The following APC variants were observed in gnomAD, a reference collection of about 807,000 sequenced individuals.
The protein encoded by APC is APC regulator of Wnt signaling pathway.
A neutral mutation model predicts 247.0 loss-of-function variants in APC; 72 were observed. The observed-to-expected ratio is 0.29, with a 90% confidence interval of 0.24 to 0.35. The LOEUF (loss-of-function observed/expected upper bound fraction) is 0.35, where lower values mean the gene tolerates loss of function less well. Among genes scored for constraint, APC ranks in the 10% least tolerant of loss-of-function variants. The probability of loss-of-function intolerance (pLI) is 1.00; values close to 1 mark genes in which losing one functional copy is unlikely to be tolerated. For synonymous variants in APC, 1,254 were observed against 1,162.5 expected (o/e 1.08, Z -1.60); for missense variants, 3,400 against 3,360.7 (o/e 1.01, Z -0.29).
intron 2 of APC, among the ~76,000 whole-genome samples, chr5:112,757,229 T>C (rs1255019294): frequency 1.3e-5 from 2 of 152,214 alleles, no homozygotes; most frequent in African/African-American, 2.4e-5. Flanking sequence ...TTTAAGGTTT[T>C]ATGCTGTGAA....
At position 112,843,156 on chromosome 5, in the gene APC, G is replaced by T; in HGVS notation, c.7562G>T (p.Arg2521Ile). The change falls in exon 16 of 16, where the codon AGA (arginine) becomes ATA (isoleucine). Residue 2521 changes from arginine to isoleucine, a missense_variant. Physicochemically the swap from Arg to Ile is moderately conservative, Grantham distance 97. Coordinates refer to ENST00000257430, the MANE Select transcript of APC (RefSeq NM_000038.6). This position sits in a 1 kb window ranked among gnomAD's most constrained non-coding sequence, Gnocchi z 4.8. ...LSPTIEYNDG[R>I]PAKRHDIARS... ...CCCACTATAGAGTATAATGATGGAA[G>T]ACCAGCAAAGCGCCATGATATTGCA... The T allele has an allele frequency of 6.2e-7, 1 of 1,613,772 alleles. No individual in the cohort carries two copies. Among genetic ancestry groups the T allele is most frequent in the Non-Finnish European group, 8.5e-7 (1 of 1,179,684 alleles).
At chr5:112,722,553 A>G (rs1183953107) in intron 1 of APC, among the ~76,000 whole-genome samples, 1 of 151,138 alleles carries the variant, frequency 6.6e-6, no homozygotes, top group Non-Finnish European at 1.5e-5. Flanking sequence ...CCCCAAGACC[A>G]CCCCCTCCTT....
At chr5:112,834,017 T>C (rs1395145958) in intron 14 of APC, among the ~76,000 whole-genome samples, 1 of 151,984 alleles carries the variant, frequency 6.6e-6, no homozygotes, top group Non-Finnish European at 1.5e-5. Context: ...AGTGGCGCGA[T>C]CATGGCTTAC....
chr5:112,761,127 G>A (rs1190258605), intron 2 of APC, among the ~76,000 whole-genome samples: 1 of 152,122 alleles, frequency 6.6e-6, no homozygotes, highest in South Asian at 2.1e-4. Flanking sequence ...TCCATTTTTA[G>A]TTGCTAATTG....
rs1006417765 is a variant in APC, at chr5:112,763,650, T to C, written c.136-2676T>C. Among the ~76,000 whole-genome samples the C allele has an allele frequency of 3.3e-5, 5 of 152,232 alleles. No individual in the cohort carries two copies. The East Asian group carries it at 9.6e-4, about 29-fold the overall frequency. On this transcript the variant is annotated intron_variant, in intron 2 of 15. Coordinates refer to ENST00000257430, the MANE Select transcript of APC (RefSeq NM_000038.6). ...TTAAACTTTTAAATCTTTGTAACTTTTCTAAAAACAAGTAGGATTTTTTCT... is the reference window on the plus strand; with the variant it reads ...TTAAACTTTTAAATCTTTGTAACTTCTCTAAAAACAAGTAGGATTTTTTCT...
intron 7 of APC, among the ~76,000 whole-genome samples, chr5:112,793,280 G>A (rs1039691744): frequency 2.0e-5 from 3 of 152,130 alleles, no homozygotes; most frequent in Non-Finnish European, 4.4e-5. Flanking sequence ...TTAATTGAAC[G>A]TGAGGGTATC....
rs1432858922 is a variant in APC, at chr5:112,839,209, C to A, written c.3615C>A (p.Ser1205Arg). The A allele has an allele frequency of 6.2e-7, 1 of 1,614,136 alleles. No individual in the cohort carries two copies. Among genetic ancestry groups the A allele is most frequent in the Non-Finnish European group, 8.5e-7 (1 of 1,180,006 alleles). ...FSFSKSSSGQ[S>R]SKTEHMSSSS... is the part of the protein sequence containing the mutation. ...TCTCAAAGAGTTCATCTGGACAAAG[C>A]AGTAAAACCGAACATATGTCTTCAA... The change falls in exon 16 of 16, where the codon AGC becomes AGA. Residue 1205 changes from serine (S) to arginine (R), a missense_variant. Physicochemically the swap from Ser to Arg is moderately radical, Grantham distance 110. This residue lies in a region of APC where 715 missense variants were observed against 656.6 expected (regional missense o/e 1.09). Coordinates refer to ENST00000257430, the MANE Select transcript of APC (RefSeq NM_000038.6). The surrounding 1 kb of genome is among the most constrained non-coding windows in gnomAD (Gnocchi z 5.0).
In APC at chr5:112,837,822, T is replaced by C. The variant is rs878853425; in HGVS notation, c.2228T>C (p.Met743Thr). 3 of 1,613,908 alleles carry C rather than the reference T, an allele frequency of 1.9e-6. No individual in the cohort carries two copies. The highest frequency in any genetic ancestry group is 1.7e-5 in the Admixed American group (1 of 59,994). The change falls in exon 16 of 16, where the codon ATG becomes ACG. Residue 743 changes from methionine to threonine, a missense_variant. Around this residue, in one of 9 missense-constraint regions of APC, gnomAD observed 91 missense variants for 103.3 expected, o/e 0.88. Coordinates refer to ENST00000257430, the MANE Select transcript of APC (RefSeq NM_000038.6). ...GCGAAGTACAAGGATGCCAATATTA[T>C]GTCTCCTGGCTCAAGCTTGCCATCT... ...RPAKYKDANI[M>T]SPGSSLPSLH...
chr5:112,806,922 C>T (rs1761474006), intron 8 of APC, among the ~76,000 whole-genome samples: 1 of 152,014 alleles, frequency 6.6e-6, no homozygotes, highest in South Asian at 2.1e-4. Flanking sequence ...CACTTGAGGT[C>T]AGGAGTTCGA....
chr5:112,815,954 A>T (rs1001092578), intron 9 of APC, among the ~76,000 whole-genome samples: 1 of 152,226 alleles, frequency 6.6e-6, no homozygotes, highest in African/African-American at 2.4e-5. Context: ...ATTTTTATAC[A>T]ACGAAGCATA....
intron 5 of APC, among the ~76,000 whole-genome samples, chr5:112,777,425 A>C (rs1757782722): frequency 6.6e-6 from 1 of 152,212 alleles, no homozygotes; most frequent in African/African-American, 2.4e-5. Context: ...ATACCATGGT[A>C]TCTAATTTTT....
intron 1 of APC, among the ~76,000 whole-genome samples, chr5:112,748,568 T>C (rs1459747789): frequency 6.6e-6 from 1 of 152,148 alleles, no homozygotes; most frequent in Non-Finnish European, 1.5e-5. Context: ...CATTTCACTA[T>C]GAAGAATGAA....
Sources: gnomAD v4.1 joint callset for allele counts (sites outside exome capture counted in the v4.1 genomes callset) on GRCh38, gnomAD v4.1.1 for gene constraint, gnomAD v4.1.1 regional missense constraint, Gnocchi (gnomAD v3.1) non-coding constraint, MANE v1.5 for transcripts, NCBI Gene and HGNC (gene_info 2026-07-23, HGNC 2026-07-21) for gene names.